Variants in MCHR2 observed in about 807,000 individuals in gnomAD.
MCHR2 encodes the protein melanin-concentrating hormone receptor 2.
A neutral mutation model predicts 24.8 loss-of-function variants in MCHR2; 15 were observed. The ratio of observed to expected loss-of-function variants is 0.60; its 90% confidence interval spans 0.40 to 0.93. The LOEUF (loss-of-function observed/expected upper bound fraction) is 0.93, where lower values mean the gene tolerates loss of function less well. Among genes scored for constraint, MCHR2 ranks in the 40% least tolerant of loss-of-function variants. The pLI is 0.00. For missense variants in MCHR2, 386 were observed against 408.7 expected, an observed-to-expected ratio of 0.94 and a Z score of 0.48; for synonymous variants, 151 against 147.6, an observed-to-expected ratio of 1.02 and a Z score of -0.17.
chr6:99,932,018 C>T (rs1012971442), intron 5 of MCHR2, among the ~76,000 whole-genome samples: 7 of 152,152 alleles, frequency 4.6e-5, no homozygotes, highest in African/African-American at 1.7e-4. Context: ...GATTGAAGTT[C>T]TCCCTTTAGA....
intron 2 of MCHR2, among the ~76,000 whole-genome samples, chr6:99,953,585 C>T (rs1360295168): frequency 6.6e-6 from 1 of 151,974 alleles, no homozygotes; most frequent in Non-Finnish European, 1.5e-5. Flanking sequence ...TTTTCCCCCA[C>T]TTGATTGTTT....
intron 1 of MCHR2, among the ~76,000 whole-genome samples, chr6:99,977,186 A>G (rs764183883): frequency 6.6e-6 from 1 of 152,222 alleles, no homozygotes; most frequent in Non-Finnish European, 1.5e-5. Context: ...TGTTCAAGCA[A>G]TATCTAACAT....
chr6:99,931,853 A>G (rs1052291591), intron 5 of MCHR2, among the ~76,000 whole-genome samples: 3 of 152,002 alleles, frequency 2.0e-5, no homozygotes, highest in Admixed American at 6.6e-5. Context: ...ACTGTCCTGC[A>G]CCCACTGTCT....
intron 3 of MCHR2, among the ~76,000 whole-genome samples, 156 bp downstream of exon 3, chr6:99,947,606 T>C (rs942786387): frequency 2.0e-5 from 3 of 151,638 alleles, no homozygotes; most frequent in African/African-American, 7.2e-5. Context: ...TCTGTGAAAG[T>C]TGAACAAAAT....
At chr6:99,946,573 T>C (rs562285114) in intron 3 of MCHR2, among the ~76,000 whole-genome samples, 1 of 152,228 alleles carries the variant, frequency 6.6e-6, no homozygotes, top group African/African-American at 2.4e-5. Flanking sequence ...TCATCAATAT[T>C]TTTTGAGCAC....
intron 1 of MCHR2, among the ~76,000 whole-genome samples, chr6:99,987,857 A>T (rs931542358): frequency 2.0e-5 from 3 of 152,204 alleles, no homozygotes; most frequent in African/African-American, 7.2e-5. Flanking sequence ...GTTATTTTTT[A>T]TTGATAAGAT....
At chr6:99,973,975 T>G (rs1439865329) in intron 1 of MCHR2, among the ~76,000 whole-genome samples, 8 of 152,172 alleles carry the variant, frequency 5.3e-5, no homozygotes, top group Non-Finnish European at 1.2e-4. Context: ...CGACCTTTCT[T>G]TCTGGCTGCC....
intron 5 of MCHR2, among the ~76,000 whole-genome samples, chr6:99,923,323 A>G (rs1774278640): frequency 6.6e-6 from 1 of 152,188 alleles, no homozygotes; most frequent in Admixed American, 6.5e-5. Context: ...ATATAAAATC[A>G]TGTCATCTGT....
At chr6:99,992,956 ATTAT>A (rs1775913358) in intron 1 of MCHR2, among the ~76,000 whole-genome samples, 1 of 152,106 alleles carries the variant, frequency 6.6e-6, no homozygotes, top group South Asian at 2.1e-4. Flanking sequence ...CAAACAGGTT[ATTAT>A]TTAAGTAGAA....
At position 99,966,734 on chromosome 6, in the gene MCHR2, TATTTAA is replaced by T. The variant is rs1225490057; in HGVS notation, c.-27-10566_-27-10561del. 2.0e-5 allele frequency among the ~76,000 whole-genome samples: 3 copies of T among 152,208 alleles called. No homozygotes were observed. The East Asian group carries it at 5.8e-4, about 29-fold the overall frequency. Reference sequence around the variant, plus strand: ...GCTGTTGAAAAAGTTTAAGCATTAGTATTTAAATTATGTTCATAATTTTAATTATTG... The same window carrying T: ...GCTGTTGAAAAAGTTTAAGCATTAGTATTATGTTCATAATTTTAATTATTG... On this transcript the variant is annotated intron_variant, in intron 1 of 5. Transcript: ENST00000281806.
chr6:99,923,218 T>G (rs923748272), intron 5 of MCHR2, among the ~76,000 whole-genome samples: 1 of 152,180 alleles, frequency 6.6e-6, no homozygotes, highest in Non-Finnish European at 1.5e-5. Context: ...ATGCTACTGA[T>G]TTTTGTATGT....
chr6:99,947,932 G>C lies in MCHR2; in HGVS notation c.222C>G (p.Asn74Lys). Residue 74 changes from asparagine to lysine, a missense_variant, in exon 3 of 6, where the codon AAC becomes AAG. Asn to Lys is a moderately conservative substitution (Grantham distance 94). Transcript: ENST00000281806. ...KKTVPDIYICNLAVADLVHIV... is the reference protein window; with the variant it reads ...KKTVPDIYICKLAVADLVHIV... ...TGTGGACCAAATCAGCCACAGCCAG[G>C]TTGCAGATATAGATGTCAGGGACTG... is the stretch of plus-strand genomic sequence containing the variant. The C allele has an allele frequency of 6.2e-7, 1 of 1,613,716 alleles. No individual in the cohort carries two copies. The highest frequency in any genetic ancestry group is 8.5e-7 in the Non-Finnish European group (1 of 1,179,760).
intron 1 of MCHR2, among the ~76,000 whole-genome samples, chr6:99,979,031 A>G (rs1016547275): frequency 6.6e-5 from 10 of 152,146 alleles, no homozygotes; most frequent in Non-Finnish European, 1.3e-4. Flanking sequence ...TCCAAGTGGT[A>G]GGAGGTGGGG....
At chr6:99,955,365 T>G (rs6932860) in intron 2 of MCHR2, among the ~76,000 whole-genome samples, 152,237 of 152,240 alleles carry the variant, frequency 1, 76,117 homozygotes, top group Non-Finnish European at 1. Context: ...GTGGTGCCCA[T>G]GCAGGAGGTA....
At chr6:99,943,602 T>TG (rs1774821193) in intron 3 of MCHR2, among the ~76,000 whole-genome samples, 1 of 151,908 alleles carries the variant, frequency 6.6e-6, no homozygotes, top group Non-Finnish European at 1.5e-5. Context: ...TTTTTGTCCT[T>TG]GCGATAGTTT....
intron 1 of MCHR2, among the ~76,000 whole-genome samples, chr6:99,988,212 G>A (rs1057198614): frequency 2.0e-5 from 3 of 152,206 alleles, no homozygotes; most frequent in African/African-American, 7.2e-5. Flanking sequence ...GGGGAAGACA[G>A]GGTGGTACTT....
At chr6:99,971,770 A>G (rs1479340892) in intron 1 of MCHR2, among the ~76,000 whole-genome samples, 3 of 152,184 alleles carry the variant, frequency 2.0e-5, no homozygotes, top group Admixed American at 1.3e-4. Flanking sequence ...TTTAGCATGA[A>G]GTGTTGTTGA....
chr6:99,976,419 G>T (rs920330813), intron 1 of MCHR2, among the ~76,000 whole-genome samples: 1 of 152,184 alleles, frequency 6.6e-6, no homozygotes, highest in Non-Finnish European at 1.5e-5. Context: ...GCAGCTTTGG[G>T]GTACCTCCAG....
At chr6:99,982,021 C>T (rs1252908177) in intron 1 of MCHR2, among the ~76,000 whole-genome samples, 8 of 152,152 alleles carry the variant, frequency 5.3e-5, no homozygotes, top group Non-Finnish European at 1.5e-5. Flanking sequence ...CAACTTCCCA[C>T]ATATCTTGCA....
Sources: gnomAD v4.1 joint callset for allele counts (sites outside exome capture counted in the v4.1 genomes callset) on GRCh38, gnomAD v4.1.1 for gene constraint, MANE v1.5 for transcripts, NCBI Gene and HGNC (gene_info 2026-07-23, HGNC 2026-07-21) for gene names.